RPP40: variants seen among roughly 807,000 people sequenced by gnomAD.
RPP40 encodes the protein ribonuclease P/MRP subunit p40, also known as ribonuclease P protein subunit p40.
A neutral mutation model predicts 42.5 loss-of-function variants in RPP40; 30 were observed. The ratio of observed to expected loss-of-function variants is 0.71; its 90% confidence interval spans 0.53 to 0.96. The LOEUF (loss-of-function observed/expected upper bound fraction) is 0.96. Ranked by LOEUF, RPP40 falls within the 40% of genes least tolerant of loss-of-function variation. The probability of loss-of-function intolerance (pLI) is 0.00; values close to 1 mark genes in which losing one functional copy is unlikely to be tolerated. For missense variants in RPP40, 426 were observed against 433.5 expected, an observed-to-expected ratio of 0.98 and a Z score of 0.15; for synonymous variants, 173 against 164.0, an observed-to-expected ratio of 1.05 and a Z score of -0.42.
chr6:4,996,548 GCATTCAAATTAAAAT>G (rs1759390734), intron 5 of RPP40, 128 bp from the exon 6 acceptor site: 1 of 774,350 alleles, frequency 1.3e-6, no homozygotes, highest in South Asian at 1.7e-5. Context: ...GTGCAGAGCT[GCATTCAAATTAAAAT>G]CATTTAAAGC....
chr6:4,993,278 T>C (rs1759285690), downstream of RPP40, among the ~76,000 whole-genome samples: 1 of 152,224 alleles, frequency 6.6e-6, no homozygotes, highest in African/African-American at 2.4e-5. Flanking sequence ...TCCATTATTC[T>C]ATTTTCAGTG....
chr6:5,000,359 T>C (rs559614350), intron 3 of RPP40, among the ~76,000 whole-genome samples: 2 of 152,174 alleles, frequency 1.3e-5, no homozygotes, highest in Non-Finnish European at 2.9e-5. Flanking sequence ...GGCTAATTTT[T>C]GTATTTTTAG....
Position 5,000,573 on chromosome 6 carries a change from C to T in RPP40, c.327G>A (p.Leu109=), listed in dbSNP as rs772752337. ...AAAATAAAGTGTTACCATTTGGTAGCAGGGCAACAGTATTATCTTCATCAA... is the reference window on the plus strand; with the variant it reads ...AAAATAAAGTGTTACCATTTGGTAGTAGGGCAACAGTATTATCTTCATCAA... ...THIDEDNTVA[L]LPNGKLILSL... is the part of the protein sequence containing the mutation. Residue 109 remains leucine, a synonymous_variant, in exon 3 of 8, where the codon CTG becomes CTA. Transcript: ENST00000380051. 5.9e-6 allele frequency: 9 copies of T among 1,536,438 alleles called. No homozygotes were observed. Among genetic ancestry groups the T allele is most frequent in the South Asian group, 1.1e-5 (1 of 87,140 alleles).
chr6:4,993,314 C>A (rs183729133), downstream of RPP40, among the ~76,000 whole-genome samples: 470 of 152,290 alleles, frequency 3.1e-3, 6 homozygotes, highest in African/African-American at 0.011. Context: ...TTAAACCAAC[C>A]AGTGGAATTT....
intron 3 of RPP40, 74 bp downstream of exon 3, chr6:5,000,489 A>ACT (rs1561746331): frequency 2.6e-6 from 2 of 757,320 alleles, no homozygotes; most frequent in Admixed American, 3.5e-5. Flanking sequence ...TGCCCAGCTG[A>ACT]CTTTTTTTTT....
At chr6:5,001,491 A>G (rs1437134363) in intron 2 of RPP40, among the ~76,000 whole-genome samples, 1 of 152,182 alleles carries the variant, frequency 6.6e-6, no homozygotes, top group African/African-American at 2.4e-5. Flanking sequence ...CAAGATAAGC[A>G]TGTGGCCACT....
intron 1 of RPP40, among the ~76,000 whole-genome samples, chr6:5,003,157 G>A (rs1270872): frequency 6.6e-6 from 1 of 151,874 alleles, no homozygotes; most frequent in Non-Finnish European, 1.5e-5. Context: ...GACCATCCTG[G>A]CTAACACGGT....
chr6:4,996,753 C>A (rs1759396473), intron 5 of RPP40, among the ~76,000 whole-genome samples: 1 of 152,198 alleles, frequency 6.6e-6, no homozygotes, highest in Admixed American at 6.5e-5. Flanking sequence ...TATTAGTGAA[C>A]TCCAGAGAGA....
At chr6:4,997,080 T>C (rs1323483157) in intron 5 of RPP40, among the ~76,000 whole-genome samples, 1 of 152,258 alleles carries the variant, frequency 6.6e-6, no homozygotes, top group African/African-American at 2.4e-5. Context: ...CTACTGCATG[T>C]GCCAGCATCG....
At chr6:5,003,257 G>A (rs12524097) in intron 1 of RPP40, among the ~76,000 whole-genome samples, 2 of 146,878 alleles carry the variant, frequency 1.4e-5, no homozygotes, top group African/African-American at 5.0e-5. Flanking sequence ...TGAGGCAGGA[G>A]AATGGCGTGA....
intron 2 of RPP40, chr6:5,001,000 G>A (rs1368540617): frequency 8.7e-6 from 4 of 462,074 alleles, no homozygotes; most frequent in East Asian, 1.3e-4. Flanking sequence ...GCTTGCAGAA[G>A]ACCAAGCTCC....
At chr6:4,995,398 T>G (rs996223071) in intron 7 of RPP40, 122 bp from the exon 8 acceptor site, 9 of 731,450 alleles carry the variant, frequency 1.2e-5, no homozygotes, top group Non-Finnish European at 2.0e-5. Flanking sequence ...ATCTTAGCTT[T>G]AATTTTTGAA....
chr6:4,992,821 A>T (rs564398149), downstream of RPP40, among the ~76,000 whole-genome samples: 5 of 152,284 alleles, frequency 3.3e-5, no homozygotes, highest in Admixed American at 1.3e-4. Context: ...TCAAGTTTTT[A>T]AAATAATTCC....
At chr6:4,991,374 T>C (rs886607442), downstream of RPP40, among the ~76,000 whole-genome samples, 4 of 152,224 alleles carry the variant, frequency 2.6e-5, no homozygotes, top group African/African-American at 9.6e-5. Context: ...TACTTTTACA[T>C]ATATTATAAA....
Position 5,000,647 on chromosome 6 carries a change from C to T in RPP40, c.269-16G>A, listed in dbSNP as rs754137737. ...TAGCAAGAACCTGGAAGAGAAAGTA[C>T]AGAGGAAAAATTTAAAACAAGAAAT... is the stretch of plus-strand genomic sequence containing the variant. On this transcript the variant is annotated splice_polypyrimidine_tract_variant and intron_variant, in intron 2 of 7. Transcript: ENST00000380051. 6.6e-7 allele frequency: 1 copy of T among 1,517,880 alleles called. No homozygotes were observed. The highest frequency in any genetic ancestry group is 2.3e-5 in the East Asian group (1 of 44,396). 94.0% of individuals were successfully genotyped at this position (1,517,880 alleles called of 1,614,324 possible).
At chr6:4,994,369 A>C (rs970170787), downstream of RPP40, among the ~76,000 whole-genome samples, 3 of 149,610 alleles carry the variant, frequency 2.0e-5, no homozygotes, top group African/African-American at 7.3e-5. Context: ...CACGTTGTGC[A>C]CATGTACCCT....
intron 3 of RPP40, 23 bp from the exon 4 acceptor site, chr6:4,999,927 C>T (rs1306043643): frequency 2.9e-6 from 4 of 1,379,444 alleles, no homozygotes; most frequent in Non-Finnish European, 4.1e-6. Context: ...TAATAACTCC[C>T]ATAAGATACC....
chr6:4,994,955 G>T lies in RPP40; in HGVS notation c.*123C>A. ...GTCTCAGGTGCAGGGCAGGATGCCAGCAAATGCTGATCTGAGAAATGTCAC... is the reference window on the plus strand; with the variant it reads ...GTCTCAGGTGCAGGGCAGGATGCCATCAAATGCTGATCTGAGAAATGTCAC... On this transcript the variant is annotated 3_prime_UTR_variant, in exon 8 of 8. Coordinates refer to ENST00000380051, the MANE Select transcript of RPP40 (RefSeq NM_006638.4). The T allele has an allele frequency of 1.1e-6, 1 of 871,812 alleles. No individual in the cohort carries two copies. The highest frequency in any genetic ancestry group is 1.7e-6 in the Non-Finnish European group (1 of 575,558). The allele number at this position is 871,812 out of a possible 1,614,324, so 54.0% of individuals were successfully genotyped here.
intron 3 of RPP40, 87 bp from the exon 4 acceptor site, chr6:4,999,991 T>TA: frequency 1.3e-6 from 1 of 751,286 alleles, no homozygotes; most frequent in East Asian, 2.5e-5. Flanking sequence ...ATTGAGCAGT[T>TA]AGATATCAAT....
Sources: gnomAD v4.1 joint callset for allele counts (sites outside exome capture counted in the v4.1 genomes callset) on GRCh38, gnomAD v4.1.1 for gene constraint, MANE v1.5 for transcripts, NCBI Gene and HGNC (gene_info 2026-07-23, HGNC 2026-07-21) for gene names.